Variants in HSPA4 observed in about 807,000 individuals in gnomAD.
The protein encoded by HSPA4 is heat shock 70 kDa protein 4.
A neutral mutation model predicts 106.2 loss-of-function variants in HSPA4; 25 were observed. That is an observed-to-expected ratio of 0.24 (90% CI 0.17 to 0.33). HSPA4 has a LOEUF of 0.33. Ranked by LOEUF, HSPA4 falls within the 10% of genes least tolerant of loss-of-function variation. The probability of loss-of-function intolerance (pLI) is 1.00; values close to 1 mark genes in which losing one functional copy is unlikely to be tolerated. For missense variants in HSPA4, 841 were observed against 996.0 expected (o/e 0.84, Z 2.10); for synonymous variants, 332 against 333.6 (o/e 1.00, Z 0.05).
chr5:133,067,664 C>A, intron 3 of HSPA4, 107 bp downstream of exon 3: 1 of 1,013,862 alleles, frequency 9.9e-7, no homozygotes, highest in Non-Finnish European at 1.4e-6. Flanking sequence ...AAAATGCTTA[C>A]AGTTGCTTAG....
At chr5:133,098,478 AT>A (rs111694220) in intron 15 of HSPA4, among the ~76,000 whole-genome samples, 51,584 of 142,684 alleles carry the variant, frequency 0.36, 10,598 homozygotes, top group African/African-American at 0.59. Flanking sequence ...CGCCTGGCTA[AT>A]TTTTTTTTTT....
rs1173245838 is a variant in HSPA4 at position 133,052,208 on chromosome 5, C to T, written c.-43C>T. 7.2e-7 allele frequency: 1 copy of T among 1,387,318 alleles called. No individual in the cohort carries two copies. The highest frequency in any genetic ancestry group is 1.2e-5 in the South Asian group (1 of 81,758). 85.9% of individuals were successfully genotyped at this position (1,387,318 alleles called of 1,614,324 possible). A position where few individuals can be genotyped will look rare whatever the true frequency, so the allele number is the denominator to read the frequency against. On this transcript the variant is annotated 5_prime_UTR_variant, in exon 1 of 19. Coordinates refer to ENST00000304858, the MANE Select transcript of HSPA4 (RefSeq NM_002154.4). ...CCCGCCGGGGGTCCGTGTCCTGTCT[C>T]GGTGGCCGGACCCGGGCCCGAGCCC...
At position 133,106,102 on chromosome 5, in the gene HSPA4, A is replaced by AATT. The variant is rs1765855596; in HGVS notation, c.*1666_*1667insATT. ...GCCATTTCTTCTTAAAAAAAAAAAAATTTTTTTTTTTTTTTTTTTTTTTTT... is the reference window on the plus strand; with the variant it reads ...GCCATTTCTTCTTAAAAAAAAAAAAAATTTTTTTTTTTTTTTTTTTTTTTTTTT... On this transcript the variant is annotated 3_prime_UTR_variant, in exon 19 of 19. Transcript: ENST00000304858. The AATT allele has an allele frequency of 5.2e-5, 3 of 57,162 alleles. No individual in the cohort carries two copies. Among genetic ancestry groups the AATT allele is most frequent in the East Asian group, 1.3e-3 (2 of 1,512 alleles). 3.5% of individuals were successfully genotyped at this position (57,162 alleles called of 1,614,324 possible).
intron 1 of HSPA4, among the ~76,000 whole-genome samples, chr5:133,057,615 A>G (rs114524818): frequency 0.015 from 2,269 of 152,320 alleles, 31 homozygotes; most frequent in Non-Finnish European, 0.024. Flanking sequence ...GTGCATAAAT[A>G]TTCGGTCAGT....
In HSPA4 at chr5:133,076,637, C is replaced by G; in HGVS notation, c.664-17C>G. ...CGATTGGTTAATTGTTAGATTAATT[C>G]TCATTTTTTCCTTAAGGTTCTGGCC... is the stretch of plus-strand genomic sequence containing the variant. On this transcript the variant is annotated splice_polypyrimidine_tract_variant and intron_variant, in intron 6 of 18. Transcript: ENST00000304858. 6.2e-7 allele frequency: 1 copy of G among 1,603,350 alleles called. No homozygotes were observed. Among genetic ancestry groups the G allele is most frequent in the African/African-American group, 1.3e-5 (1 of 74,660 alleles).
intron 1 of HSPA4, among the ~76,000 whole-genome samples, chr5:133,062,388 T>TG (rs1397362581): frequency 6.6e-6 from 1 of 152,128 alleles, no homozygotes; most frequent in African/African-American, 2.4e-5. Flanking sequence ...GGGGTCATGG[T>TG]GGGATATACC....
At chr5:133,092,957 A>G (rs1350958334) in intron 13 of HSPA4, among the ~76,000 whole-genome samples, 168 bp downstream of exon 13, 1 of 149,144 alleles carries the variant, frequency 6.7e-6, no homozygotes, top group African/African-American at 2.5e-5. Flanking sequence ...AGTAGCTGGG[A>G]TTACAGACGC....
chr5:133,075,281 ATC>A (rs1765434041), intron 6 of HSPA4, among the ~76,000 whole-genome samples: 1 of 152,130 alleles, frequency 6.6e-6, no homozygotes. Context: ...AATTTCTAAG[ATC>A]TATGCTATGC....
intron 1 of HSPA4, among the ~76,000 whole-genome samples, chr5:133,059,003 C>T (rs2126693187): frequency 6.6e-6 from 1 of 151,436 alleles, no homozygotes; most frequent in South Asian, 2.1e-4. Context: ...TGGCACGCGC[C>T]TGTAATCCCA....
rs7710121 is a variant in HSPA4 at position 133,101,560 on chromosome 5, G to A, written c.2038-199G>A. ...GAGGGCTCAGGTGACAAATTGAAGCGATTCCAGATGGATCAGTGTTGAGGT... is the reference window on the plus strand; with the variant it reads ...GAGGGCTCAGGTGACAAATTGAAGCAATTCCAGATGGATCAGTGTTGAGGT... On this transcript the variant is annotated intron_variant, in intron 16 of 18. Transcript: ENST00000304858. 1,451 of 458,750 alleles carry A rather than the reference G, an allele frequency of 3.2e-3. 15 individuals carry two copies. The highest frequency in any genetic ancestry group is 0.026 in the African/African-American group (1,284 of 48,846). The allele number at this position is 458,750 out of a possible 1,614,324, so 28.4% of individuals were successfully genotyped here.
chr5:133,087,919 T>C (rs768629697), intron 8 of HSPA4, among the ~76,000 whole-genome samples: 7 of 152,344 alleles, frequency 4.6e-5, no homozygotes, highest in Non-Finnish European at 1.0e-4. Context: ...CCACCATGCC[T>C]GGCCTCTACC....
chr5:133,065,360 A>G (rs912052065), intron 2 of HSPA4, among the ~76,000 whole-genome samples: 1 of 152,212 alleles, frequency 6.6e-6, no homozygotes, highest in Non-Finnish European at 1.5e-5. Context: ...TAAGTAATCT[A>G]GAGACAACTT....
Position 133,052,215 on chromosome 5 carries a change from C to G in HSPA4, c.-36C>G. The G allele has an allele frequency of 6.8e-7, 1 of 1,460,894 alleles. No homozygotes were observed. The highest frequency in any genetic ancestry group is 1.2e-5 in the South Asian group (1 of 83,650). The allele number at this position is 1,460,894 out of a possible 1,614,324, so 90.5% of individuals were successfully genotyped here. Reference sequence around the variant, plus strand: ...GGGGTCCGTGTCCTGTCTCGGTGGCCGGACCCGGGCCCGAGCCCGAGCAGT... The same window carrying G: ...GGGGTCCGTGTCCTGTCTCGGTGGCGGGACCCGGGCCCGAGCCCGAGCAGT... On this transcript the variant is annotated 5_prime_UTR_variant, in exon 1 of 19. Coordinates refer to ENST00000304858, the MANE Select transcript of HSPA4 (RefSeq NM_002154.4).
At chr5:133,055,653 C>T (rs1765151363) in intron 1 of HSPA4, among the ~76,000 whole-genome samples, 1 of 152,034 alleles carries the variant, frequency 6.6e-6, no homozygotes, top group South Asian at 2.1e-4. Context: ...AAGGTCATGC[C>T]ATTATGGACA....
At chr5:133,076,385 G>A (rs545748233) in intron 6 of HSPA4, among the ~76,000 whole-genome samples, 8 of 152,290 alleles carry the variant, frequency 5.3e-5, no homozygotes, top group Non-Finnish European at 1.0e-4. Flanking sequence ...ATTTGGCTTT[G>A]AATTCCACTT....
intron 13 of HSPA4, among the ~76,000 whole-genome samples, chr5:133,095,231 G>C (rs568722066): frequency 2.0e-5 from 3 of 152,314 alleles, no homozygotes; most frequent in African/African-American, 7.2e-5. Flanking sequence ...GAACCTGAGA[G>C]GCAGAGGTTG....
intron 15 of HSPA4, among the ~76,000 whole-genome samples, chr5:133,098,185 AC>A (rs1765738701): frequency 6.6e-6 from 1 of 152,210 alleles, no homozygotes; most frequent in Non-Finnish European, 1.5e-5. Flanking sequence ...TTCCCAAGTT[AC>A]TTCACTTAGA....
At position 133,091,202 on chromosome 5, in the gene HSPA4, C is replaced by A; in HGVS notation, c.1388C>A (p.Ser463Ter). Residue 463 changes from serine (S) to a stop codon, truncating the protein, a stop_gained, in exon 12 of 19, where the codon TCA (serine) becomes TAA (stop). Coordinates refer to ENST00000304858, the MANE Select transcript of HSPA4 (RefSeq NM_002154.4). LOFTEE classifies it high-confidence loss of function. ...TCTCGTATGTCCCTAGCTCAGTTTTCAGTTCAGAAAGTCACTCCTCAGTCT... is the reference window on the plus strand; with the variant it reads ...TCTCGTATGTCCCTAGCTCAGTTTTAAGTTCAGAAAGTCACTCCTCAGTCT... ...PYPDPAIAQF[S>*]VQKVTPQSDG... The A allele has an allele frequency of 6.2e-7, 1 of 1,613,760 alleles. No homozygotes were observed. Among genetic ancestry groups the A allele is most frequent in the Non-Finnish European group, 8.5e-7 (1 of 1,179,764 alleles).
intron 1 of HSPA4, among the ~76,000 whole-genome samples, chr5:133,054,887 G>C (rs1048161905): frequency 2.6e-4 from 39 of 152,208 alleles, no homozygotes; most frequent in African/African-American, 8.9e-4. Flanking sequence ...TTCCTGCCCT[G>C]TGATTGAACA....
Sources: gnomAD v4.1 joint callset for allele counts (sites outside exome capture counted in the v4.1 genomes callset) on GRCh38, gnomAD v4.1.1 for gene constraint, MANE v1.5 for transcripts, NCBI Gene and HGNC (gene_info 2026-07-23, HGNC 2026-07-21) for gene names.